KIF26B: variants seen among roughly 807,000 people sequenced by gnomAD.
KIF26B encodes kinesin family member 26B, also known as kinesin-like protein KIF26B.
A neutral mutation model predicts 151.2 loss-of-function variants in KIF26B; 63 were observed. The ratio of observed to expected loss-of-function variants is 0.42; its 90% CI spans 0.34 to 0.51. The LOEUF is 0.51. Ranked by LOEUF, KIF26B falls within the 20% of genes least tolerant of loss-of-function variation. KIF26B has a pLI of 0.07. For synonymous variants in KIF26B, 1,357 were observed against 1,262.1 expected (o/e 1.08, Z -1.59); for missense variants, 2,813 against 2,913.6 (o/e 0.97, Z 0.79).
At chr1:245,482,349 A>G (rs545269780) in intron 4 of KIF26B, among the ~76,000 whole-genome samples, 9 of 151,906 alleles carry the variant, frequency 5.9e-5, no homozygotes, top group African/African-American at 2.2e-4. Context: ...CAGCCTCCCA[A>G]AGTGCTGGGA....
chr1:245,167,013 A>C lies in KIF26B; in HGVS notation c.465+10330A>C, dbSNP rs1668626276. On this transcript the variant is annotated intron_variant, in intron 2 of 14. Coordinates refer to ENST00000407071, the MANE Select transcript of KIF26B (RefSeq NM_018012.4). This position sits in a 1 kb window ranked among gnomAD's most constrained non-coding sequence, Gnocchi z 4.2. ...ACGATAAATATGTCTTAAGTGTTAT[A>C]GACCAGGTTACAGCTGAGGGACTAT... 6.6e-6 allele frequency among the ~76,000 whole-genome samples: 1 copy of C among 152,242 alleles called. No individual in the cohort carries two copies. Among genetic ancestry groups the C allele is most frequent in the Admixed American group, 6.5e-5 (1 of 15,284 alleles).
At chr1:245,219,127 CTTTTTTTTTT>C (rs1166578525) in intron 2 of KIF26B, among the ~76,000 whole-genome samples, 40 of 56,188 alleles carry the variant, frequency 7.1e-4, no homozygotes, top group East Asian at 2.9e-3. Flanking sequence ...ATACCTACCT[CTTTTTTTTTT>C]TTTTTTTTTT....
chr1:245,555,018 C>G (rs372196052), intron 5 of KIF26B, among the ~76,000 whole-genome samples: 1 of 152,178 alleles, frequency 6.6e-6, no homozygotes, highest in Non-Finnish European at 1.5e-5. Context: ...TCTGCCCTTC[C>G]AGGCCGTGCT....
rs1471381505 is a variant in KIF26B at position 245,572,839 on chromosome 1, C to A, written c.1351-29738C>A. Among the ~76,000 whole-genome samples the A allele has an allele frequency of 3.3e-5, 5 of 152,120 alleles. No individual in the cohort carries two copies. The South Asian group carries it at 8.3e-4, about 25-fold the overall frequency. On this transcript the variant is annotated intron_variant, in intron 5 of 14. Coordinates refer to ENST00000407071, the MANE Select transcript of KIF26B (RefSeq NM_018012.4). The surrounding 1 kb of genome is among the most constrained non-coding windows in gnomAD (Gnocchi z 4.2). Reference sequence around the variant, plus strand: ...AAGGCCTTTTGTGGCTCAGATGTGTCTTTGCGGGGAAATGGTCAGGCGTCC... The same window carrying A: ...AAGGCCTTTTGTGGCTCAGATGTGTATTTGCGGGGAAATGGTCAGGCGTCC...
intron 9 of KIF26B, among the ~76,000 whole-genome samples, chr1:245,624,812 C>G (rs2043705670): frequency 1.3e-5 from 2 of 152,076 alleles, no homozygotes; most frequent in African/African-American, 4.8e-5. Flanking sequence ...TTGCCTAACC[C>G]AAGGCCAAAA....
Position 245,699,046 on chromosome 1 carries a change from G to C in KIF26B, c.6178+9G>C, listed in dbSNP as rs149164663. 1.5e-5 allele frequency: 24 copies of C among 1,611,954 alleles called. No individual in the cohort carries two copies. The highest frequency in any genetic ancestry group is 2.0e-5 in the Non-Finnish European group (24 of 1,178,686). On this transcript the variant is annotated intron_variant, in intron 14 of 14. Transcript: ENST00000407071. ...CAAGTGGCTCAGTGAATGTAAGGCCGGGGTGCCTTCCCACCCTTGTGACTA... is the reference window on the plus strand; with the variant it reads ...CAAGTGGCTCAGTGAATGTAAGGCCCGGGTGCCTTCCCACCCTTGTGACTA...
chr1:245,325,197 T>G (rs977598619), intron 2 of KIF26B, among the ~76,000 whole-genome samples: 6 of 152,136 alleles, frequency 3.9e-5, no homozygotes, highest in African/African-American at 1.4e-4. Flanking sequence ...TTTCCATATC[T>G]GTGTACCCAT....
At chr1:245,235,380 C>T (rs1249108897) in intron 2 of KIF26B, among the ~76,000 whole-genome samples, 3 of 151,742 alleles carry the variant, frequency 2.0e-5, no homozygotes, top group Non-Finnish European at 4.4e-5. Context: ...TGGCTCGAGG[C>T]CAGGAGTTCC....
At chr1:245,389,139 G>A (rs544190178) in intron 3 of KIF26B, among the ~76,000 whole-genome samples, 1 of 152,128 alleles carries the variant, frequency 6.6e-6, no homozygotes, top group Admixed American at 6.5e-5. Flanking sequence ...TTGAGACAGA[G>A]TTTCACTCTT....
At chr1:245,524,852 C>T (rs759357930) in intron 4 of KIF26B, among the ~76,000 whole-genome samples, 3 of 152,074 alleles carry the variant, frequency 2.0e-5, no homozygotes, top group Non-Finnish European at 2.9e-5. Context: ...AAATGTGCTC[C>T]GTGTTTCCTC....
intron 2 of KIF26B, among the ~76,000 whole-genome samples, chr1:245,294,644 G>A (rs1671307369): frequency 6.6e-6 from 1 of 152,064 alleles, no homozygotes; most frequent in African/African-American, 2.4e-5. Flanking sequence ...AAAGGGTTCA[G>A]ACTAGTTCTT....
chr1:245,157,241 C>G (rs1427953377), intron 2 of KIF26B, among the ~76,000 whole-genome samples: 1 of 152,218 alleles, frequency 6.6e-6, no homozygotes, highest in African/African-American at 2.4e-5. Flanking sequence ...GAGCAGTGCT[C>G]CCTCCTGGCC....
intron 2 of KIF26B, among the ~76,000 whole-genome samples, chr1:245,294,074 CA>C (rs1671298297): frequency 6.6e-6 from 1 of 152,086 alleles, no homozygotes; most frequent in South Asian, 2.1e-4. Context: ...GAATATAGAC[CA>C]TGATGGTGGC....
intron 2 of KIF26B, among the ~76,000 whole-genome samples, chr1:245,195,061 A>G (rs6695592): frequency 1 from 152,199 of 152,318 alleles, 76,040 homozygotes; most frequent in Non-Finnish European, 1. Context: ...TATGGGCTCT[A>G]CTAGGATTTT....
rs1483121767 is a variant in KIF26B at position 245,239,950 on chromosome 1, C to T, written c.465+83267C>T. On this transcript the variant is annotated intron_variant, in intron 2 of 14. Transcript: ENST00000407071. The surrounding 1 kb of genome is among the most constrained non-coding windows in gnomAD (Gnocchi z 4.3). ...CAGCCCTTTGGGAGGCCGAGGCGGG[C>T]GGATCACTTGAGGTCAGGAGTTTGA... 2.6e-5 allele frequency among the ~76,000 whole-genome samples: 4 copies of T among 151,928 alleles called. No individual in the cohort carries two copies.
chr1:245,703,003 C>CTGAT lies in KIF26B; in HGVS notation c.*399_*402dup, dbSNP rs1184561146. ...GCGAACACAAAACAACCCAGAATGA[C>CTGAT]TGATTAAGTGCCTTGCAAATCTTTA... On this transcript the variant is annotated 3_prime_UTR_variant, in exon 15 of 15. Coordinates refer to ENST00000407071, the MANE Select transcript of KIF26B (RefSeq NM_018012.4). 2.2e-5 allele frequency: 4 copies of CTGAT among 183,800 alleles called. No individual in the cohort carries two copies. Among genetic ancestry groups the CTGAT allele is most frequent in the Non-Finnish European group, 4.5e-5 (4 of 89,290 alleles). The allele number at this position is 183,800 out of a possible 1,614,324, so 11.4% of individuals were successfully genotyped here. A position where few individuals can be genotyped will look rare whatever the true frequency, so the allele number is the denominator to read the frequency against.
chr1:245,264,966 G>A (rs577441446), intron 2 of KIF26B, among the ~76,000 whole-genome samples: 9 of 151,704 alleles, frequency 5.9e-5, no homozygotes, highest in East Asian at 3.9e-4. Context: ...TTGGGAGGCC[G>A]AGGCGGGCAG....
intron 2 of KIF26B, among the ~76,000 whole-genome samples, chr1:245,222,421 G>C (rs1409572542): frequency 6.6e-6 from 1 of 152,136 alleles, no homozygotes; most frequent in East Asian, 1.9e-4. Flanking sequence ...TGGGTGACTA[G>C]AGTGAGACTC....
intron 2 of KIF26B, chr1:245,282,794 C>A: frequency 6.2e-6 from 1 of 162,088 alleles, no homozygotes; most frequent in South Asian, 1.4e-4. Flanking sequence ...CCCTTCTTGC[C>A]TATTAAACTC....
Sources: gnomAD v4.1 joint callset for allele counts (sites outside exome capture counted in the v4.1 genomes callset) on GRCh38, gnomAD v4.1.1 for gene constraint, Gnocchi (gnomAD v3.1) non-coding constraint, MANE v1.5 for transcripts, NCBI Gene and HGNC (gene_info 2026-07-23, HGNC 2026-07-21) for gene names.